ITPR2: variants seen among roughly 807,000 people sequenced by gnomAD.
ITPR2 encodes inositol 1,4,5-trisphosphate receptor type 2, also known as inositol 1,4,5-trisphosphate-gated calcium channel ITPR2.
Under a neutral mutation model 317.1 loss-of-function variants are expected in ITPR2, and 207 were observed. The observed-to-expected ratio is 0.65, with a 90% CI of 0.58 to 0.73. ITPR2 has a LOEUF of 0.73. Ranked by LOEUF, ITPR2 falls within the 30% of genes least tolerant of loss-of-function variation. The pLI is 0.00. For synonymous variants in ITPR2, 1,156 were observed against 1,149.1 expected (o/e 1.01, Z -0.12); for missense variants, 2,613 against 3,284.0 (o/e 0.80, Z 4.99).
At chr12:26,569,957 A>C (rs1325144496) in intron 34 of ITPR2, among the ~76,000 whole-genome samples, 1 of 152,228 alleles carries the variant, frequency 6.6e-6, no homozygotes, top group East Asian at 1.9e-4. Context: ...AAATGATTGA[A>C]AACAACATAA....
rs116481537 is a variant in ITPR2 at position 26,699,832 on chromosome 12, A to C, written c.952-4182T>G. Among the ~76,000 whole-genome samples the C allele has an allele frequency of 8.7e-3, 1,324 of 152,308 alleles. 19 individuals are homozygous for C. Among genetic ancestry groups the C allele is most frequent in the African/African-American group, 0.03 (1,227 of 41,564 alleles). On this transcript the variant is annotated intron_variant, in intron 9 of 56. Transcript: ENST00000381340. ...TAATTCTTAAAGTAAGAGAGTAAAA[A>C]TGAATAGAAAAAAATTATTTTTTAA...
intron 37 of ITPR2, among the ~76,000 whole-genome samples, chr12:26,536,819 A>T (rs1944106357): frequency 2.0e-5 from 3 of 152,218 alleles, no homozygotes; most frequent in Non-Finnish European, 4.4e-5. Flanking sequence ...TAGATGGATG[A>T]GAGCAATTGA....
chr12:26,506,985 A>G (rs1168322451), intron 37 of ITPR2, among the ~76,000 whole-genome samples: 5 of 152,220 alleles, frequency 3.3e-5, no homozygotes, highest in Non-Finnish European at 7.4e-5. Context: ...ATTTTTCCTC[A>G]TGAAATAAAT....
rs1471829616 is a variant in ITPR2, at chr12:26,724,760, A to C, written c.280-18T>G. The C allele has an allele frequency of 6.4e-7, 1 of 1,559,844 alleles. No individual in the cohort carries two copies. The highest frequency in any genetic ancestry group is 1.4e-5 in the African/African-American group (1 of 73,814). ...GCAGCGTGCTATAAGATGATTATCA[A>C]ATATTCAGTGTAGAAATATAGTAAA... On this transcript the variant is annotated intron_variant, in intron 3 of 56. Coordinates refer to ENST00000381340, the MANE Select transcript of ITPR2 (RefSeq NM_002223.4).
chr12:26,593,873 A>G (rs1401469460), intron 32 of ITPR2, among the ~76,000 whole-genome samples: 1 of 152,240 alleles, frequency 6.6e-6, no homozygotes, highest in Non-Finnish European at 1.5e-5. Flanking sequence ...TTTAAAAAAT[A>G]AAAATCCTTT....
At chr12:26,722,319 C>G (rs1948852058) in intron 5 of ITPR2, 78 bp downstream of exon 5, 1 of 1,287,706 alleles carries the variant, frequency 7.8e-7, no homozygotes, top group Non-Finnish European at 1.1e-6. Context: ...CTTTTTTGTA[C>G]TTTCTGGATT....
At chr12:26,399,475 T>A (rs1489566970) in intron 53 of ITPR2, among the ~76,000 whole-genome samples, 5 of 152,240 alleles carry the variant, frequency 3.3e-5, no homozygotes, top group Non-Finnish European at 5.9e-5. Flanking sequence ...GGGTCAAGTA[T>A]ATATAGCTCC....
chr12:26,426,911 T>C (rs927047392), intron 49 of ITPR2, among the ~76,000 whole-genome samples: 4 of 151,350 alleles, frequency 2.6e-5, no homozygotes, highest in Admixed American at 2.0e-4. Context: ...AAATATTTAT[T>C]ACTAAATAAA....
intron 37 of ITPR2, among the ~76,000 whole-genome samples, chr12:26,520,296 G>C (rs1320117373): frequency 6.6e-6 from 1 of 152,096 alleles, no homozygotes; most frequent in Admixed American, 6.5e-5. Context: ...GTATGAGAGG[G>C]AGATTGCAGG....
At chr12:26,569,449 G>A (rs541301539) in intron 34 of ITPR2, among the ~76,000 whole-genome samples, 6 of 151,680 alleles carry the variant, frequency 4.0e-5, no homozygotes, top group South Asian at 4.2e-4. Flanking sequence ...AGCTACTCGG[G>A]AGACTGAGAT....
Position 26,833,032 on chromosome 12 carries a change from C to G in ITPR2, c.-251G>C. 3 of 467,620 alleles carry G rather than the reference C, an allele frequency of 6.4e-6. No individual in the cohort carries two copies. The highest frequency in any genetic ancestry group is 5.6e-4 in the Middle Eastern group (1 of 1,788). The allele number at this position is 467,620 out of a possible 1,614,324, so 29.0% of individuals were successfully genotyped here. On this transcript the variant is annotated 5_prime_UTR_variant, in exon 1 of 57. Coordinates refer to ENST00000381340, the MANE Select transcript of ITPR2 (RefSeq NM_002223.4). ...GCGCAGCCCAGGCGCCCAGAGAAGC[C>G]GCAGCCGCCGCCGCCTCCCCGGCAG...
chr12:26,525,094 G>A lies in ITPR2; in HGVS notation c.5073+25153C>T, dbSNP rs115429827. On this transcript the variant is annotated intron_variant, in intron 37 of 56. Transcript: ENST00000381340. The stretch of plus-strand genomic sequence containing the variant: ...ATATTGCAGCCCAGCTCTACAGGCC[G>A]TCCATTCACCATCTCAGGGAAGAGG... 5.5e-3 allele frequency among the ~76,000 whole-genome samples: 840 copies of A among 152,212 alleles called. 9 individuals are homozygous for A. The highest frequency in any genetic ancestry group is 0.019 in the African/African-American group (798 of 41,514).
At position 26,761,702 on chromosome 12, in the gene ITPR2, C is replaced by A. The variant is rs562592525; in HGVS notation, c.163+28455G>T. On this transcript the variant is annotated intron_variant, in intron 2 of 56. Coordinates refer to ENST00000381340, the MANE Select transcript of ITPR2 (RefSeq NM_002223.4). ...GTTCCAGCTACTCAGGAGACTGAGGCAGGAGGATCACTTTAGTCCGGGGAT... is the reference window on the plus strand; with the variant it reads ...GTTCCAGCTACTCAGGAGACTGAGGAAGGAGGATCACTTTAGTCCGGGGAT... Among the ~76,000 whole-genome samples the A allele has an allele frequency of 3.2e-3, 482 of 152,288 alleles. 3 individuals are homozygous for A. Among genetic ancestry groups the A allele is most frequent in the African/African-American group, 0.011 (440 of 41,560 alleles).
intron 2 of ITPR2, among the ~76,000 whole-genome samples, chr12:26,732,105 A>G (rs1949038251): frequency 6.6e-6 from 1 of 152,198 alleles, no homozygotes; most frequent in Non-Finnish European, 1.5e-5. Flanking sequence ...AGGCTCAGGG[A>G]AATGTATTGC....
intron 45 of ITPR2, among the ~76,000 whole-genome samples, chr12:26,464,686 C>CCTAA (rs1174312480): frequency 6.6e-6 from 1 of 152,246 alleles, no homozygotes; most frequent in African/African-American, 2.4e-5. Flanking sequence ...ATGAGTAAAA[C>CCTAA]CTAACTCCTG....
intron 22 of ITPR2, among the ~76,000 whole-genome samples, chr12:26,630,446 GA>G (rs201985913): frequency 0.098 from 13,828 of 141,528 alleles, 1,313 homozygotes; most frequent in East Asian, 0.48. Context: ...TGATGGGGGG[GA>G]AAAAAAAAAA....
intron 32 of ITPR2, among the ~76,000 whole-genome samples, chr12:26,588,253 C>T (rs1945588662): frequency 6.6e-6 from 1 of 152,056 alleles, no homozygotes; most frequent in Admixed American, 6.6e-5. Flanking sequence ...GAGAAGGGAT[C>T]CATTCCAAAG....
chr12:26,824,902 C>T (rs1028345773), intron 1 of ITPR2, among the ~76,000 whole-genome samples: 4 of 152,086 alleles, frequency 2.6e-5, no homozygotes, highest in African/African-American at 9.7e-5. Flanking sequence ...CAAAAAATGC[C>T]ATCAATACAT....
intron 45 of ITPR2, among the ~76,000 whole-genome samples, chr12:26,446,363 G>A (rs1226254590): frequency 6.6e-6 from 1 of 151,962 alleles, no homozygotes; most frequent in Admixed American, 6.6e-5. Flanking sequence ...TGTTGGGTAA[G>A]GTCAACAACA....
Sources: allele counts gnomAD v4.1 joint callset (sites outside exome capture counted in the v4.1 genomes callset), GRCh38; gene constraint gnomAD v4.1.1; transcripts MANE v1.5; gene names NCBI Gene and HGNC (gene_info 2026-07-23, HGNC 2026-07-21).